The following ARFIP1 variants were observed in gnomAD, a reference collection of about 807,000 sequenced individuals.
ARFIP1 encodes the protein arfaptin-1.
Under a neutral mutation model 42.5 loss-of-function variants are expected in ARFIP1, and 24 were observed. The observed-to-expected ratio is 0.57, with a 90% confidence interval of 0.41 to 0.80. ARFIP1 has a LOEUF of 0.80. ARFIP1 is among the 30% of genes least tolerant of loss of function. ARFIP1 has a pLI of 0.00. For synonymous variants in ARFIP1, 141 were observed against 153.7 expected (o/e 0.92, Z 0.61); for missense variants, 354 against 434.0 (o/e 0.82, Z 1.64).
At chr4:152,882,615 A>G in intron 6 of ARFIP1, 108 bp from the exon 7 acceptor site, 1 of 1,052,230 alleles carries the variant, frequency 9.5e-7, no homozygotes. Flanking sequence ...TGCTACAGCT[A>G]GATCTCTATC....
intron 2 of ARFIP1, among the ~76,000 whole-genome samples, chr4:152,841,282 C>A (rs895029470): frequency 6.6e-6 from 1 of 152,156 alleles, no homozygotes; most frequent in Non-Finnish European, 1.5e-5. Flanking sequence ...GATCCGCCCC[C>A]CTCAGCCTCC....
chr4:152,786,920 C>T (rs1730843670), intron 1 of ARFIP1, among the ~76,000 whole-genome samples: 1 of 152,208 alleles, frequency 6.6e-6, no homozygotes, highest in South Asian at 2.1e-4. Context: ...AGTTCCTAGT[C>T]ATCCTTCACA....
At chr4:152,799,977 A>G (rs2149822382) in intron 1 of ARFIP1, among the ~76,000 whole-genome samples, 1 of 152,276 alleles carries the variant, frequency 6.6e-6, no homozygotes, top group Non-Finnish European at 1.5e-5. Context: ...GATTGTTCAT[A>G]CTTGTCTGGA....
chr4:152,828,559 A>G (rs1421633275), intron 1 of ARFIP1, among the ~76,000 whole-genome samples: 2 of 152,110 alleles, frequency 1.3e-5, no homozygotes, highest in Non-Finnish European at 2.9e-5. Flanking sequence ...TCTTTTGCCC[A>G]TTTTTAGTTG....
intron 1 of ARFIP1, among the ~76,000 whole-genome samples, chr4:152,817,613 G>C (rs4696360): frequency 0.68 from 102,870 of 152,142 alleles, 35,094 homozygotes; most frequent in African/African-American, 0.75. Context: ...AATTGGACTA[G>C]AAAATGAAAA....
chr4:152,809,809 T>G (rs894672563), intron 1 of ARFIP1: 10 of 152,168 alleles, frequency 6.6e-5, no homozygotes. Context: ...TAAAGTACAT[T>G]CTACATACAA....
rs1257449169 is a variant in ARFIP1 at position 152,866,752 on chromosome 4, C to T, written c.202+3038C>T. ...CTCACTTCTCAGAAGGGGCGGCTGC[C>T]GGGCGGAGGGTCTCCTCACTTCTCA... is the stretch of plus-strand genomic sequence containing the variant. On this transcript the variant is annotated intron_variant, in intron 3 of 8. Coordinates refer to ENST00000353617, the MANE Select transcript of ARFIP1 (RefSeq NM_001025595.3). Among the ~76,000 whole-genome samples, 5 of 150,680 alleles carry T rather than the reference C, an allele frequency of 3.3e-5. No homozygotes were observed. In the East Asian group the frequency reaches 5.9e-4, roughly 18 times the overall value.
At chr4:152,796,899 T>C (rs1221192745) in intron 1 of ARFIP1, 2 of 394,378 alleles carry the variant, frequency 5.1e-6, no homozygotes, top group Non-Finnish European at 9.1e-6. Context: ...TTTACCTTTG[T>C]TTTTAAGAAT....
intron 6 of ARFIP1, 35 bp from the exon 7 acceptor site, chr4:152,882,688 T>C (rs372734640): frequency 6.3e-7 from 1 of 1,595,420 alleles, no homozygotes; most frequent in Non-Finnish European, 8.6e-7. Context: ...TACTGATTTA[T>C]TACTGAATAA....
chr4:152,807,951 C>G (rs1490245266), intron 1 of ARFIP1, among the ~76,000 whole-genome samples: 1 of 152,002 alleles, frequency 6.6e-6, no homozygotes, highest in East Asian at 1.9e-4. Context: ...GTTCTGGTCT[C>G]ATTTGCTGAA....
In ARFIP1 at chr4:152,829,651, C is replaced by G. The variant is rs374989924; in HGVS notation, c.18C>G (p.Pro6=). 1.2e-6 allele frequency: 2 copies of G among 1,611,352 alleles called. No homozygotes were observed. Among genetic ancestry groups the G allele is most frequent in the Non-Finnish European group, 1.7e-6 (2 of 1,178,488 alleles). MAQES[P]KNSAAEIPVT... ...AGTCTACCATGGCTCAAGAATCTCCCAAAAATTCAGCAGCAGAAATTCCAG... is the reference window on the plus strand; with the variant it reads ...AGTCTACCATGGCTCAAGAATCTCCGAAAAATTCAGCAGCAGAAATTCCAG... The change falls in exon 2 of 9, where the codon CCC becomes CCG. Residue 6 remains proline, a synonymous_variant. Transcript: ENST00000353617.
intron 1 of ARFIP1, among the ~76,000 whole-genome samples, chr4:152,784,250 G>A (rs1264077310): frequency 6.6e-6 from 1 of 152,220 alleles, no homozygotes; most frequent in Non-Finnish European, 1.5e-5. Flanking sequence ...CTATTGGCCT[G>A]AAAATAATTT....
At chr4:152,781,357 T>C (rs1730485959) in intron 1 of ARFIP1, among the ~76,000 whole-genome samples, 2 of 150,734 alleles carry the variant, frequency 1.3e-5, no homozygotes, top group Admixed American at 6.7e-5. Context: ...TGTCTCAGCC[T>C]TCTGAGTAGC....
chr4:152,881,155 G>T lies in ARFIP1; in HGVS notation c.604G>T (p.Asp202Tyr). 1 of 1,613,286 alleles carries T rather than the reference G, an allele frequency of 6.2e-7. No homozygotes were observed. The highest frequency in any genetic ancestry group is 1.1e-5 in the South Asian group (1 of 90,862). ...TQRQLGDAFA[D>Y]LSLKSLELHE... ...AAGGCAACTTGGAGATGCATTTGCT[G>T]ACCTGAGTTTGAAGTCACTAGAACT... Residue 202 changes from aspartate to tyrosine, a missense_variant, in exon 6 of 9, where the codon GAC (aspartate) becomes TAC (tyrosine). Transcript: ENST00000353617.
At chr4:152,889,603 A>G (rs1736580130) in intron 8 of ARFIP1, among the ~76,000 whole-genome samples, 1 of 130,422 alleles carries the variant, frequency 7.7e-6, no homozygotes, top group South Asian at 2.2e-4. Flanking sequence ...AAATATATAT[A>G]TACTATATAT....
At chr4:152,797,955 A>T (rs1731570963) in intron 1 of ARFIP1, among the ~76,000 whole-genome samples, 2 of 152,122 alleles carry the variant, frequency 1.3e-5, no homozygotes. Flanking sequence ...CGCTGGTATG[A>T]TGTTGAATAA....
chr4:152,792,968 A>T (rs909344181), intron 1 of ARFIP1, among the ~76,000 whole-genome samples: 4 of 152,138 alleles, frequency 2.6e-5, no homozygotes, highest in African/African-American at 9.7e-5. Context: ...TTTACAGTAG[A>T]ACCCCCAGAG....
intron 1 of ARFIP1, among the ~76,000 whole-genome samples, chr4:152,824,891 C>G (rs1389935318): frequency 1.3e-5 from 2 of 151,924 alleles, no homozygotes; most frequent in Non-Finnish European, 1.5e-5. Flanking sequence ...TGCTATACAC[C>G]AACAACAGCC....
At chr4:152,810,979 C>T (rs1157395317) in intron 1 of ARFIP1, among the ~76,000 whole-genome samples, 1 of 151,758 alleles carries the variant, frequency 6.6e-6, no homozygotes, top group Non-Finnish European at 1.5e-5. Flanking sequence ...TATTGCATGT[C>T]TCTTTTTCCT....
Sources: allele counts gnomAD v4.1 joint callset (sites outside exome capture counted in the v4.1 genomes callset), GRCh38; gene constraint gnomAD v4.1.1; transcripts MANE v1.5; gene names NCBI Gene and HGNC (gene_info 2026-07-23, HGNC 2026-07-21).